The following CACNA1G variants were observed in gnomAD, a reference collection of about 807,000 sequenced individuals.
The protein encoded by CACNA1G is calcium voltage-gated channel subunit alpha1 G, also known as voltage-dependent T-type calcium channel subunit alpha-1G.
A neutral mutation model predicts 219.4 loss-of-function variants in CACNA1G; 67 were observed. The observed-to-expected ratio is 0.31, with a 90% CI of 0.25 to 0.37. CACNA1G has a LOEUF of 0.37. CACNA1G is among the 10% of genes least tolerant of loss of function. The pLI, the probability that CACNA1G is intolerant of heterozygous loss-of-function variation, is 1.00. For missense variants in CACNA1G, 2,380 were observed against 3,231.4 expected (o/e 0.74, Z 6.39); for synonymous variants, 1,296 against 1,345.3 (o/e 0.96, Z 0.80).
chr17:50,597,747 C>CA (rs1398386873), intron 16 of CACNA1G, among the ~76,000 whole-genome samples: 5 of 152,162 alleles, frequency 3.3e-5, no homozygotes, highest in Non-Finnish European at 7.3e-5. Context: ...TCCTCCTGTC[C>CA]AACTGAAACT....
Position 50,569,815 on chromosome 17 carries a change from C to G in CACNA1G, c.586+12C>G. 1 of 1,537,004 alleles carries G rather than the reference C, an allele frequency of 6.5e-7. No homozygotes were observed. The highest frequency in any genetic ancestry group is 8.8e-7 in the Non-Finnish European group (1 of 1,135,890). ...TAACCGGGTGCCCAGTGAGTGACCC[C>G]TCAGCCCTCAGCCCCTGAAGAGAGC... On this transcript the variant is annotated intron_variant, in intron 4 of 37. Coordinates refer to ENST00000359106, the MANE Select transcript of CACNA1G (RefSeq NM_018896.5).
chr17:50,572,030 T>G lies in CACNA1G; in HGVS notation c.739T>G (p.Phe247Val). Reference protein sequence around the residue: ...LRNRCFLPENFSLPLSVDLER... With the variant: ...LRNRCFLPENVSLPLSVDLER... ...GAACCGATGCTTCCTACCTGAGAATTTCAGCCTGTGAGTGGTGGACAGGGT... is the reference window on the plus strand; with the variant it reads ...GAACCGATGCTTCCTACCTGAGAATGTCAGCCTGTGAGTGGTGGACAGGGT... The change falls in exon 5 of 38, where the codon TTC becomes GTC. Residue 247 changes from phenylalanine (F) to valine (V), a missense_variant. Physicochemically the swap from Phe to Val is conservative, Grantham distance 50 (BLOSUM62 -1). This residue lies in a region of CACNA1G where 56 missense variants were observed against 135.8 expected (regional missense o/e 0.41). Coordinates refer to ENST00000359106, the MANE Select transcript of CACNA1G (RefSeq NM_018896.5). 1 of 1,613,634 alleles carries G rather than the reference T, an allele frequency of 6.2e-7. No individual in the cohort carries two copies. The highest frequency in any genetic ancestry group is 8.5e-7 in the Non-Finnish European group (1 of 1,179,610).
At chr17:50,565,142 C>A (rs2037348234) in intron 1 of CACNA1G, among the ~76,000 whole-genome samples, 2 of 80,900 alleles carry the variant, frequency 2.5e-5, no homozygotes, top group African/African-American at 8.6e-5. Context: ...CACACACACA[C>A]GCGCACACAC....
At chr17:50,594,493 G>A (rs556743383) in intron 13 of CACNA1G, among the ~76,000 whole-genome samples, 4 of 152,216 alleles carry the variant, frequency 2.6e-5, no homozygotes, top group South Asian at 2.1e-4. Context: ...CACTGCCTCC[G>A]AACCGGTGAG....
At chr17:50,613,862 C>T (rs1401453898) in intron 26 of CACNA1G, among the ~76,000 whole-genome samples, 2 of 151,968 alleles carry the variant, frequency 1.3e-5, no homozygotes, top group East Asian at 1.9e-4. Context: ...TGTGGATGAC[C>T]CGTAGCCTCC....
chr17:50,599,776 T>C lies in CACNA1G; in HGVS notation c.3607T>C (p.Ser1203Pro). Reference protein sequence around the residue: ...ASEHQDCNGKSASGRLARALR... With the variant: ...ASEHQDCNGKPASGRLARALR... ...TGAGCACCAGGACTGCAATGGCAAG[T>C]CGGCTTCAGGGCGCCTGGCCCGGGC... The change falls in exon 17 of 38, where the codon TCG (serine) becomes CCG (proline). Residue 1203 changes from serine (S) to proline (P), a missense_variant. By Grantham distance (74) the Ser-to-Pro change is moderately conservative. Transcript: ENST00000359106. The C allele has an allele frequency of 6.2e-7, 1 of 1,613,370 alleles. No individual in the cohort carries two copies. The highest frequency in any genetic ancestry group is 8.5e-7 in the Non-Finnish European group (1 of 1,179,830).
Position 50,561,294 on chromosome 17 carries a change from C to G in CACNA1G, c.-166C>G. The G allele has an allele frequency of 4.0e-6, 3 of 741,302 alleles. No homozygotes were observed. In the South Asian group the frequency reaches 5.9e-5, roughly 15 times the overall value. 45.9% of individuals were successfully genotyped at this position (741,302 alleles called of 1,614,324 possible). ...GCGCCCCGCGGGCAGCATGCCCCTG[C>G]GGGCAGGGGGAGCTGGGCTGAACTG... On this transcript the variant is annotated 5_prime_UTR_variant, in exon 1 of 38. Coordinates refer to ENST00000359106, the MANE Select transcript of CACNA1G (RefSeq NM_018896.5).
At chr17:50,565,429 A>G (rs532412885) in intron 1 of CACNA1G, among the ~76,000 whole-genome samples, 1 of 151,614 alleles carries the variant, frequency 6.6e-6, no homozygotes, top group Non-Finnish European at 1.5e-5. Flanking sequence ...GCTTTGGAGC[A>G]GGGCGGAGCC....
In CACNA1G at chr17:50,578,301, C is replaced by T; in HGVS notation, c.2038C>T (p.Leu680Phe). 6.2e-7 allele frequency: 1 copy of T among 1,613,086 alleles called. No homozygotes were observed. Among genetic ancestry groups the T allele is most frequent in the South Asian group, 1.1e-5 (1 of 91,074 alleles). The change falls in exon 9 of 38, where the codon CTC becomes TTC. Residue 680 changes from leucine (L) to phenylalanine (F), a missense_variant. Transcript: ENST00000359106. This position sits in a 1 kb window ranked among gnomAD's most constrained non-coding sequence, Gnocchi z 4.5. ...CCGGGCCGGGGCAGGGGAGGTGGAG[C>T]TCGCCGACCGTGAAATGCCTGACTC... ...CARAGAGEVE[L>F]ADREMPDSDS...
At position 50,608,189 on chromosome 17, in the gene CACNA1G, C is replaced by A. The variant is rs147460682; in HGVS notation, c.4705+170C>A. On this transcript the variant is annotated intron_variant, in intron 25 of 37. Coordinates refer to ENST00000359106, the MANE Select transcript of CACNA1G (RefSeq NM_018896.5). ...CCCAAGAGCATGTCTGCCTTTAGAG[C>A]GAGCATGAAGCAGACCACTTCAGCC... 1,252 of 655,948 alleles carry A rather than the reference C, an allele frequency of 1.9e-3. 25 individuals are homozygous for A. In the South Asian group the frequency reaches 0.02, roughly 10 times the overall value. 40.6% of individuals were successfully genotyped at this position (655,948 alleles called of 1,614,324 possible).
Position 50,600,603 on chromosome 17 carries a change from C to A in CACNA1G, c.3691-123C>A. 1.3e-6 allele frequency: 1 copy of A among 769,414 alleles called. No individual in the cohort carries two copies. The highest frequency in any genetic ancestry group is 2.2e-6 in the Non-Finnish European group (1 of 448,414). The allele number at this position is 769,414 out of a possible 1,614,324, so 47.7% of individuals were successfully genotyped here. Reference sequence around the variant, plus strand: ...TAGGAATAAAGGAAGAGAGGCAGGGCAGAGCTTGGGCCCCAGGTGGGAGAG... The same window carrying A: ...TAGGAATAAAGGAAGAGAGGCAGGGAAGAGCTTGGGCCCCAGGTGGGAGAG... On this transcript the variant is annotated intron_variant, in intron 17 of 37. Transcript: ENST00000359106. The surrounding 1 kb of genome is among the most constrained non-coding windows in gnomAD (Gnocchi z 4.1).
intron 16 of CACNA1G, among the ~76,000 whole-genome samples, chr17:50,598,764 G>A (rs2046043333): frequency 6.6e-6 from 1 of 152,072 alleles, no homozygotes; most frequent in Non-Finnish European, 1.5e-5. Context: ...TTGAGATGGA[G>A]TTTCACTCTG....
chr17:50,616,886 G>C (rs1218247999), intron 28 of CACNA1G, among the ~76,000 whole-genome samples: 2 of 152,160 alleles, frequency 1.3e-5, no homozygotes, highest in Non-Finnish European at 2.9e-5. Context: ...TGATGCCCAG[G>C]CTGGAGTGCA....
Position 50,561,322 on chromosome 17 carries a change from C to T in CACNA1G, c.-138C>T. 9.2e-7 allele frequency: 1 copy of T among 1,090,276 alleles called. No homozygotes were observed. Among genetic ancestry groups the T allele is most frequent in the Non-Finnish European group, 1.3e-6 (1 of 772,288 alleles). 67.5% of individuals were successfully genotyped at this position (1,090,276 alleles called of 1,614,324 possible). A position where few individuals can be genotyped will look rare whatever the true frequency, so the allele number is the denominator to read the frequency against. On this transcript the variant is annotated 5_prime_UTR_variant, in exon 1 of 38. Transcript: ENST00000359106. ...GCAGGGGGAGCTGGGCTGAACTGGC[C>T]CTCCCGGGGGCTCAGCTTGCGCCCT... is the stretch of plus-strand genomic sequence containing the variant.
intron 8 of CACNA1G, among the ~76,000 whole-genome samples, chr17:50,577,833 C>T (rs954848719): frequency 1.3e-5 from 2 of 152,062 alleles, no homozygotes; most frequent in Non-Finnish European, 2.9e-5. Flanking sequence ...AAGTGCTGCT[C>T]AGAACAGTGT....
intron 4 of CACNA1G, among the ~76,000 whole-genome samples, chr17:50,570,250 A>T (rs976081443): frequency 2.0e-5 from 3 of 152,072 alleles, no homozygotes; most frequent in Non-Finnish European, 2.9e-5. Flanking sequence ...AGGCCACTCC[A>T]TGTCTCACCC....
rs763375795 is a variant in CACNA1G, at chr17:50,572,004, G to A, written c.713G>A (p.Arg238Gln). 6.2e-7 allele frequency: 1 copy of A among 1,613,926 alleles called. No homozygotes were observed. Among genetic ancestry groups the A allele is most frequent in the Non-Finnish European group, 8.5e-7 (1 of 1,179,816 alleles). Residue 238 changes from arginine (R) to glutamine (Q), a missense_variant, in exon 5 of 38, where the codon CGG (arginine) becomes CAG (glutamine). By Grantham distance (43) the Arg-to-Gln change is conservative (BLOSUM62 1). Around this residue, in one of 17 missense-constraint regions of CACNA1G, gnomAD observed 56 missense variants for 135.8 expected, o/e 0.41. Transcript: ENST00000359106. ...GTCCAGCTGTGGGCAGGGCTGCTTC[G>A]GAACCGATGCTTCCTACCTGAGAAT... is the stretch of plus-strand genomic sequence containing the variant. ...VGVQLWAGLLRNRCFLPENFS... is the reference protein window; with the variant it reads ...VGVQLWAGLLQNRCFLPENFS...
chr17:50,588,918 A>G (rs1410087004), intron 9 of CACNA1G, among the ~76,000 whole-genome samples: 1 of 152,190 alleles, frequency 6.6e-6, no homozygotes, highest in Non-Finnish European at 1.5e-5. Flanking sequence ...TGCACAAACT[A>G]GGGCCATTAG....
chr17:50,582,641 AG>A lies in CACNA1G; in HGVS notation c.2301+4081del, dbSNP rs554682671. Among the ~76,000 whole-genome samples, 336 of 151,618 alleles carry A rather than the reference AG, an allele frequency of 2.2e-3. 2 individuals are homozygous for A. Among genetic ancestry groups the A allele is most frequent in the African/African-American group, 7.9e-3 (325 of 40,984 alleles). Reference sequence around the variant, plus strand: ...ACTGGGGCCAGACCTCTCCAGGAAGAGGGGAGTGCAGGAGTGGGGCCTTGGA... The same window carrying A: ...ACTGGGGCCAGACCTCTCCAGGAAGAGGGAGTGCAGGAGTGGGGCCTTGGA... On this transcript the variant is annotated intron_variant, in intron 9 of 37. Coordinates refer to ENST00000359106, the MANE Select transcript of CACNA1G (RefSeq NM_018896.5).
Sources: allele counts gnomAD v4.1 joint callset (sites outside exome capture counted in the v4.1 genomes callset), GRCh38; gene constraint gnomAD v4.1.1; regional missense constraint gnomAD v4.1.1; non-coding constraint Gnocchi (gnomAD v3.1); transcripts MANE v1.5; gene names NCBI Gene and HGNC (gene_info 2026-07-23, HGNC 2026-07-21).